ADAMTS6: variants seen among roughly 807,000 people sequenced by gnomAD.
The protein encoded by ADAMTS6 is A disintegrin and metalloproteinase with thrombospondin motifs 6.
ADAMTS6 carries 23 observed loss-of-function variants against 144.3 expected under a neutral mutation model. That is an observed-to-expected ratio of 0.16 (90% CI 0.11 to 0.23). The LOEUF is 0.23. Among genes scored for constraint, ADAMTS6 ranks in the 10% least tolerant of loss-of-function variants. The probability of loss-of-function intolerance (pLI) is 1.00; values close to 1 mark genes in which losing one functional copy is unlikely to be tolerated. For synonymous variants in ADAMTS6, 444 were observed against 457.5 expected, an observed-to-expected ratio of 0.97 and a Z score of 0.38; for missense variants, 999 against 1,379.6, an observed-to-expected ratio of 0.72 and a Z score of 4.37.
chr5:65,428,429 T>A (rs10940033), intron 7 of ADAMTS6, among the ~76,000 whole-genome samples: 30,441 of 152,034 alleles, frequency 0.2, 4,559 homozygotes, highest in African/African-American at 0.43. Context: ...AGTCTTTTTT[T>A]ATTTAATAAA....
Position 65,226,074 on chromosome 5 carries a change from A to T in ADAMTS6, c.2067+12T>A. The T allele has an allele frequency of 6.3e-7, 1 of 1,595,960 alleles. No homozygotes were observed. Among genetic ancestry groups the T allele is most frequent in the Middle Eastern group, 1.7e-4 (1 of 5,992 alleles). ...CAAAAACCCCAACAGAAAGGAGTAA[A>T]ATCTGAGCAACCTTGCATTCTCCAT... On this transcript the variant is annotated intron_variant, in intron 16 of 24. Transcript: ENST00000381055.
At chr5:65,224,509 T>A in intron 17 of ADAMTS6, 109 bp from the exon 18 acceptor site, 1 of 953,232 alleles carries the variant, frequency 1.0e-6, no homozygotes, top group South Asian at 1.5e-5. Context: ...TCTTTGACTT[T>A]GCATTTTATG....
At chr5:65,189,307 G>C (rs1231146387) in intron 21 of ADAMTS6, among the ~76,000 whole-genome samples, 1 of 152,158 alleles carries the variant, frequency 6.6e-6, no homozygotes, top group East Asian at 1.9e-4. Context: ...TGTAACTCAT[G>C]ATCTAAATCA....
At chr5:65,400,902 C>G (rs899783469) in intron 7 of ADAMTS6, among the ~76,000 whole-genome samples, 1 of 152,174 alleles carries the variant, frequency 6.6e-6, no homozygotes, top group Non-Finnish European at 1.5e-5. Context: ...CTTTTCGGCT[C>G]TTTCTTAGAA....
intron 14 of ADAMTS6, among the ~76,000 whole-genome samples, chr5:65,247,721 T>G (rs572342187): frequency 1.3e-5 from 2 of 152,296 alleles, no homozygotes; most frequent in South Asian, 4.1e-4. Flanking sequence ...AAGGATAGAA[T>G]GACTCCTATG....
intron 7 of ADAMTS6, among the ~76,000 whole-genome samples, chr5:65,391,310 C>T (rs909917937): frequency 6.6e-6 from 1 of 151,822 alleles, no homozygotes; most frequent in East Asian, 1.9e-4. Context: ...AATAAAGTTG[C>T]GAAAATGAAA....
At chr5:65,219,463 C>T (rs1292627076) in intron 18 of ADAMTS6, among the ~76,000 whole-genome samples, 1 of 152,138 alleles carries the variant, frequency 6.6e-6, no homozygotes. Flanking sequence ...ATTTTAAAGA[C>T]AGACGTACCT....
At chr5:65,442,731 G>A (rs1757959610) in intron 7 of ADAMTS6, among the ~76,000 whole-genome samples, 1 of 152,062 alleles carries the variant, frequency 6.6e-6, no homozygotes, top group South Asian at 2.1e-4. Flanking sequence ...TTGTTACATA[G>A]GTAGACATGT....
intron 8 of ADAMTS6, 80 bp from the exon 9 acceptor site, chr5:65,329,563 T>G: frequency 8.1e-7 from 1 of 1,227,484 alleles, no homozygotes; most frequent in Middle Eastern, 1.9e-4. Context: ...AATGCCTGGA[T>G]TCTTTTTAAT....
At chr5:65,155,817 C>G (rs1300349103) in intron 24 of ADAMTS6, among the ~76,000 whole-genome samples, 1 of 152,176 alleles carries the variant, frequency 6.6e-6, no homozygotes, top group Non-Finnish European at 1.5e-5. Flanking sequence ...GATAAATCAA[C>G]TTGGAGCATC....
chr5:65,460,343 A>T lies in ADAMTS6; in HGVS notation c.463-5T>A, dbSNP rs756084299. ...TTCTGTAGCAATAACACCATGCTAA[A>T]AGAAAAATAAACAAAGAACTTACCA... is the stretch of plus-strand genomic sequence containing the variant. On this transcript the variant is annotated splice_polypyrimidine_tract_variant and splice_region_variant and intron_variant, in intron 3 of 24. Coordinates refer to ENST00000381055, the MANE Select transcript of ADAMTS6 (RefSeq NM_197941.4). The T allele has an allele frequency of 6.3e-7, 1 of 1,583,572 alleles. No homozygotes were observed. Among genetic ancestry groups the T allele is most frequent in the South Asian group, 1.2e-5 (1 of 85,120 alleles).
At chr5:65,453,571 C>T (rs1187563781) in intron 4 of ADAMTS6, among the ~76,000 whole-genome samples, 1 of 152,170 alleles carries the variant, frequency 6.6e-6, no homozygotes, top group African/African-American at 2.4e-5. Context: ...ACGATTCCAG[C>T]ATAATTTGCT....
chr5:65,402,921 C>G (rs930497041), intron 7 of ADAMTS6, among the ~76,000 whole-genome samples: 1 of 152,008 alleles, frequency 6.6e-6, no homozygotes, highest in Non-Finnish European at 1.5e-5. Context: ...ATGACAAAAC[C>G]CATTGAATAA....
rs901229207 is a variant in ADAMTS6, at chr5:65,358,286, T to C, written c.1074-24201A>G. 2.6e-5 allele frequency among the ~76,000 whole-genome samples: 4 copies of C among 151,850 alleles called. No homozygotes were observed. In the South Asian group the frequency reaches 8.3e-4, roughly 31 times the overall value. Reference sequence around the variant, plus strand: ...CAACAATCTTTCTTGGTAAAACTTCTCAACAAATTAGGTACAGAAGAAATG... The same window carrying C: ...CAACAATCTTTCTTGGTAAAACTTCCCAACAAATTAGGTACAGAAGAAATG... On this transcript the variant is annotated intron_variant, in intron 7 of 24. Coordinates refer to ENST00000381055, the MANE Select transcript of ADAMTS6 (RefSeq NM_197941.4).
At chr5:65,398,849 A>G (rs1011345264) in intron 7 of ADAMTS6, among the ~76,000 whole-genome samples, 2 of 144,788 alleles carry the variant, frequency 1.4e-5, no homozygotes, top group Non-Finnish European at 3.0e-5. Context: ...AGAAAGAAAG[A>G]AAAAGAAAGA....
At chr5:65,225,966 A>C (rs957004369) in intron 16 of ADAMTS6, 120 bp downstream of exon 16, 3 of 1,088,424 alleles carry the variant, frequency 2.8e-6, no homozygotes, top group Non-Finnish European at 3.7e-6. Flanking sequence ...ATGGAAATTG[A>C]ATTTCTCTAA....
intron 10 of ADAMTS6, among the ~76,000 whole-genome samples, chr5:65,297,979 C>T (rs1315512644): frequency 6.6e-6 from 1 of 152,198 alleles, no homozygotes; most frequent in African/African-American, 2.4e-5. Context: ...ATCATGCTTA[C>T]ACATACATGC....
intron 7 of ADAMTS6, among the ~76,000 whole-genome samples, chr5:65,424,682 G>C (rs182780248): frequency 1.1e-4 from 16 of 151,894 alleles, no homozygotes; most frequent in Admixed American, 9.8e-4. Flanking sequence ...CATCTATAAG[G>C]CAAAAATGGT....
intron 7 of ADAMTS6, among the ~76,000 whole-genome samples, chr5:65,391,450 A>T (rs1213811454): frequency 7.3e-6 from 1 of 137,502 alleles, no homozygotes; most frequent in Non-Finnish European, 1.6e-5. Flanking sequence ...ACACACACAC[A>T]CTTTTTTTTC....
Sources: gnomAD v4.1 joint callset for allele counts (sites outside exome capture counted in the v4.1 genomes callset) on GRCh38, gnomAD v4.1.1 for gene constraint, MANE v1.5 for transcripts, NCBI Gene and HGNC (gene_info 2026-07-23, HGNC 2026-07-21) for gene names.